KCNJ5: variants seen among roughly 807,000 people sequenced by gnomAD.
KCNJ5 encodes the protein G protein-activated inward rectifier potassium channel 4.
In KCNJ5, 12 loss-of-function variants were observed where a neutral mutation model predicts 20.2. The observed-to-expected ratio is 0.59, with a 90% CI of 0.38 to 0.96. The LOEUF is 0.96. Ranked by LOEUF, KCNJ5 falls within the 40% of genes least tolerant of loss-of-function variation. KCNJ5 has a pLI of 0.00. For missense variants in KCNJ5, 449 were observed against 557.6 expected (o/e 0.81, Z 1.96); for synonymous variants, 210 against 213.9 (o/e 0.98, Z 0.16).
In KCNJ5 at chr11:128,895,625, G is replaced by A. The variant is rs375147202; in HGVS notation, c.-11+3904G>A. On this transcript the variant is annotated intron_variant, in intron 1 of 2. Coordinates refer to ENST00000529694, the MANE Select transcript of KCNJ5 (RefSeq NM_000890.5). ...GAACTCCCTCAAAAATGAGTAGGGA[G>A]CTCCTAACACAGGCCAGACCTTGTG... is the stretch of plus-strand genomic sequence containing the variant. 1.1e-4 allele frequency among the ~76,000 whole-genome samples: 16 copies of A among 152,362 alleles called. No individual in the cohort carries two copies. The East Asian group carries it at 2.5e-3, about 24-fold the overall frequency.
intron 2 of KCNJ5, 85 bp from the exon 3 acceptor site, chr11:128,916,324 G>A: frequency 2.9e-6 from 3 of 1,019,384 alleles, no homozygotes; most frequent in South Asian, 2.6e-5. Flanking sequence ...ATGGATGGAT[G>A]GATGGATTGA....
Position 128,911,813 on chromosome 11 carries a change from C to T in KCNJ5, c.540C>T (p.Ala180=). ...VQAILGSIVN[A]FMVGCMFVKI... is the part of the protein sequence containing the mutation. ...CCATCCTGGGCTCCATCGTCAATGC[C>T]TTCATGGTGGGGTGCATGTTTGTCA... Residue 180 remains alanine (A), a synonymous_variant, in exon 2 of 3, where the codon GCC becomes GCT. Coordinates refer to ENST00000529694, the MANE Select transcript of KCNJ5 (RefSeq NM_000890.5). The surrounding 1 kb of genome is among the most constrained non-coding windows in gnomAD (Gnocchi z 6.3). 2 of 1,614,226 alleles carry T rather than the reference C, an allele frequency of 1.2e-6. No individual in the cohort carries two copies. The highest frequency in any genetic ancestry group is 1.1e-5 in the South Asian group (1 of 91,086).
Position 128,920,863 on chromosome 11 carries a change from T to G in KCNJ5, c.*4132T>G, listed in dbSNP as rs1944654642. The G allele has an allele frequency of 6.6e-6, 1 of 152,282 alleles. No individual in the cohort carries two copies. Among genetic ancestry groups the G allele is most frequent in the African/African-American group, 2.4e-5 (1 of 41,474 alleles). 9.4% of individuals were successfully genotyped at this position (152,282 alleles called of 1,614,324 possible). ...TGGGATGGGGTCGCGCCGATTCACATGCTGTGCCACGGAGCCCCGGCTTCC... is the reference window on the plus strand; with the variant it reads ...TGGGATGGGGTCGCGCCGATTCACAGGCTGTGCCACGGAGCCCCGGCTTCC... On this transcript the variant is annotated 3_prime_UTR_variant, in exon 3 of 3. Coordinates refer to ENST00000529694, the MANE Select transcript of KCNJ5 (RefSeq NM_000890.5).
intron 1 of KCNJ5, chr11:128,903,350 C>A (rs1191153244): frequency 1.2e-6 from 2 of 1,613,582 alleles, no homozygotes; most frequent in African/African-American, 2.7e-5. Context: ...AGAACGCGAT[C>A]CGGCAGCTGC....
rs1944530998 is a variant in KCNJ5 at position 128,913,419 on chromosome 11, GC to G, written c.937+1211del. ...TAGCCAAGGACCCCCCAGTTCCTCA[GC>G]CACTCAGCCATGGCAGACCTCTGTG... On this transcript the variant is annotated intron_variant, in intron 2 of 2. Coordinates refer to ENST00000529694, the MANE Select transcript of KCNJ5 (RefSeq NM_000890.5). 4.6e-5 allele frequency among the ~76,000 whole-genome samples: 7 copies of G among 152,290 alleles called. 1 individual carries two copies. In the South Asian group the frequency reaches 1.5e-3, roughly 32 times the overall value.
chr11:128,893,940 CT>C (rs1317591177), intron 1 of KCNJ5, among the ~76,000 whole-genome samples: 4 of 152,244 alleles, frequency 2.6e-5, no homozygotes, highest in Non-Finnish European at 4.4e-5. Context: ...AGCAAAATCC[CT>C]TTGGGGCTTT....
At position 128,891,569 on chromosome 11, in the gene KCNJ5, C is replaced by G. The variant is rs902168021; in HGVS notation, c.-163C>G. 1 of 152,324 alleles carries G rather than the reference C, an allele frequency of 6.6e-6. No homozygotes were observed. Among genetic ancestry groups the G allele is most frequent in the Non-Finnish European group, 1.5e-5 (1 of 68,230 alleles). 9.4% of individuals were successfully genotyped at this position (152,324 alleles called of 1,614,324 possible). On this transcript the variant is annotated 5_prime_UTR_variant, in exon 1 of 3. Transcript: ENST00000529694. ...CTTAGGTACCTCTGCCCACAGGACC[C>G]CACAACAGGGAGAGGTTCCAGCTAC...
At chr11:128,914,003 C>T (rs1011495443) in intron 2 of KCNJ5, among the ~76,000 whole-genome samples, 4 of 152,130 alleles carry the variant, frequency 2.6e-5, no homozygotes, top group African/African-American at 7.2e-5. Context: ...GGTGGCTGCT[C>T]GGCCATCTGC....
At chr11:128,892,721 C>T (rs1481368835) in intron 1 of KCNJ5, among the ~76,000 whole-genome samples, 1 of 152,174 alleles carries the variant, frequency 6.6e-6, no homozygotes, top group Admixed American at 6.5e-5. Context: ...AAATGTGCCT[C>T]GTTTTCATCA....
Position 128,911,748 on chromosome 11 carries a change from G to A in KCNJ5, c.475G>A (p.Glu159Lys). The A allele has an allele frequency of 6.2e-7, 1 of 1,614,190 alleles. No individual in the cohort carries two copies. The highest frequency in any genetic ancestry group is 1.1e-5 in the South Asian group (1 of 91,084). Reference sequence around the variant, plus strand: ...TGGGTATGGCTTCCGAGTCATCACAGAGAAGTGTCCAGAGGGGATTATACT... The same window carrying A: ...TGGGTATGGCTTCCGAGTCATCACAAAGAAGTGTCCAGAGGGGATTATACT... ...TIGYGFRVIT[E>K]KCPEGIILLL... is the part of the protein sequence containing the mutation. The change falls in exon 2 of 3, where the codon GAG (glutamate) becomes AAG (lysine). Residue 159 changes from glutamate (E) to lysine (K), a missense_variant. Glu to Lys is a moderately conservative substitution (Grantham distance 56). Coordinates refer to ENST00000529694, the MANE Select transcript of KCNJ5 (RefSeq NM_000890.5). This position sits in a 1 kb window ranked among gnomAD's most constrained non-coding sequence, Gnocchi z 6.3.
chr11:128,896,187 CTCTT>C (rs1431053433), intron 1 of KCNJ5, among the ~76,000 whole-genome samples: 2 of 147,136 alleles, frequency 1.4e-5, no homozygotes, highest in Non-Finnish European at 3.1e-5. Context: ...TTAACTCAAT[CTCTT>C]TGTCTGCTGC....
At chr11:128,893,200 A>C (rs1944120994) in intron 1 of KCNJ5, among the ~76,000 whole-genome samples, 1 of 152,204 alleles carries the variant, frequency 6.6e-6, no homozygotes, top group Non-Finnish European at 1.5e-5. Flanking sequence ...GGTATTTTAA[A>C]CTATCTATGG....
chr11:128,892,118 C>CCCCCTCAG (rs1314583761), intron 1 of KCNJ5, among the ~76,000 whole-genome samples: 1 of 152,190 alleles, frequency 6.6e-6, no homozygotes, highest in African/African-American at 2.4e-5. Flanking sequence ...GGGGCGGTGC[C>CCCCCTCAG]CCCCTCAGCC....
intron 2 of KCNJ5, among the ~76,000 whole-genome samples, chr11:128,915,301 G>A (rs1944560564): frequency 6.6e-6 from 1 of 152,178 alleles, no homozygotes; most frequent in Non-Finnish European, 1.5e-5. Flanking sequence ...GAGTAGACAG[G>A]GAAACGAGGC....
intron 1 of KCNJ5, among the ~76,000 whole-genome samples, chr11:128,895,237 C>G (rs1289587719): frequency 2.6e-5 from 4 of 152,168 alleles, no homozygotes; most frequent in Non-Finnish European, 5.9e-5. Context: ...CCCGACTTTA[C>G]AGTCAGGGAG....
At chr11:128,906,655 T>C (rs750404065) in intron 1 of KCNJ5, among the ~76,000 whole-genome samples, 2 of 152,208 alleles carry the variant, frequency 1.3e-5, no homozygotes, top group African/African-American at 2.4e-5. Context: ...TTCCTTGCCG[T>C]GTGGCCCCCT....
rs1273315229 is a variant in KCNJ5, at chr11:128,920,112, A to G, written c.*3381A>G. On this transcript the variant is annotated 3_prime_UTR_variant, in exon 3 of 3. Transcript: ENST00000529694. ...TGTAGGGAGAAGCCTCCAGGAACTCAGAATAGAACTCGTTCCCACTCATTT... is the reference window on the plus strand; with the variant it reads ...TGTAGGGAGAAGCCTCCAGGAACTCGGAATAGAACTCGTTCCCACTCATTT... The G allele has an allele frequency of 6.6e-6, 1 of 152,252 alleles. No homozygotes were observed. Among genetic ancestry groups the G allele is most frequent in the Non-Finnish European group, 1.5e-5 (1 of 68,060 alleles). The allele number at this position is 152,252 out of a possible 1,614,324, so 9.4% of individuals were successfully genotyped here.
chr11:128,891,433 C>CAGAGAGAG lies in KCNJ5; in HGVS notation c.-298_-297insGAGAGAGA, dbSNP rs1286900771. 101 of 88,330 alleles carry CAGAGAGAG rather than the reference C, an allele frequency of 1.1e-3. No individual in the cohort carries two copies. Among genetic ancestry groups the CAGAGAGAG allele is most frequent in the South Asian group, 1.8e-3 (4 of 2,186 alleles). The allele number at this position is 88,330 out of a possible 1,614,324, so 5.5% of individuals were successfully genotyped here. ...ACACACACACACACACACACACACA[C>CAGAGAGAG]ACACACACAGAGAGAGAGAGAGAGA... On this transcript the variant is annotated 5_prime_UTR_variant, in exon 1 of 3. Transcript: ENST00000529694.
intron 1 of KCNJ5, among the ~76,000 whole-genome samples, chr11:128,899,272 G>A (rs1944226380): frequency 6.6e-6 from 1 of 152,186 alleles, no homozygotes; most frequent in Admixed American, 6.5e-5. Context: ...ATGATTAAAT[G>A]AGTTTATACA....
Sources: gnomAD v4.1 joint callset for allele counts (sites outside exome capture counted in the v4.1 genomes callset) on GRCh38, gnomAD v4.1.1 for gene constraint, Gnocchi (gnomAD v3.1) non-coding constraint, MANE v1.5 for transcripts, NCBI Gene and HGNC (gene_info 2026-07-23, HGNC 2026-07-21) for gene names.